NAALADL2: variants seen among roughly 807,000 people sequenced by gnomAD.
The protein encoded by NAALADL2 is inactive N-acetylated-alpha-linked acidic dipeptidase-like protein 2.
Under a neutral mutation model 87.2 loss-of-function variants are expected in NAALADL2, and 76 were observed. The ratio of observed to expected loss-of-function variants is 0.87; its 90% CI spans 0.72 to 1.05. The LOEUF (loss-of-function observed/expected upper bound fraction) is 1.05. Among genes scored for constraint, NAALADL2 ranks in the 50% least tolerant of loss-of-function variants. The pLI is 0.00. For missense variants in NAALADL2, 1,089 were observed against 945.8 expected (o/e 1.15, Z -1.99); for synonymous variants, 354 against 331.0 (o/e 1.07, Z -0.75).
At chr3:175,681,531 T>A (rs1735590868) in intron 11 of NAALADL2, among the ~76,000 whole-genome samples, 1 of 152,234 alleles carries the variant, frequency 6.6e-6, no homozygotes, top group African/African-American at 2.4e-5. Flanking sequence ...ATTTTTACTA[T>A]AAAGCCTTAA....
intron 1 of NAALADL2, among the ~76,000 whole-genome samples, chr3:174,461,576 T>C (rs1716217757): frequency 6.6e-6 from 1 of 152,122 alleles, no homozygotes; most frequent in Non-Finnish European, 1.5e-5. Context: ...ATTACATGTG[T>C]TTCTTTTGAA....
intron 5 of NAALADL2, among the ~76,000 whole-genome samples, chr3:175,422,451 C>G (rs997037953): frequency 1.3e-5 from 2 of 152,024 alleles, no homozygotes; most frequent in African/African-American, 4.8e-5. Flanking sequence ...TACAATATTC[C>G]TGTCCTTTAG....
At chr3:175,613,504 C>T (rs1724939844) in intron 10 of NAALADL2, among the ~76,000 whole-genome samples, 1 of 152,132 alleles carries the variant, frequency 6.6e-6, no homozygotes, top group Non-Finnish European at 1.5e-5. Flanking sequence ...TATTTTTTCT[C>T]ACCTGAGATG....
chr3:174,606,819 A>T (rs961929210), intron 2 of NAALADL2, among the ~76,000 whole-genome samples: 2 of 152,154 alleles, frequency 1.3e-5, no homozygotes, highest in African/African-American at 4.8e-5. Flanking sequence ...AATACAGAGA[A>T]CACCACAAAG....
chr3:174,590,628 C>A (rs1258966668), intron 2 of NAALADL2, among the ~76,000 whole-genome samples: 2 of 152,074 alleles, frequency 1.3e-5, no homozygotes, highest in Non-Finnish European at 2.9e-5. Context: ...ATAGTCCTTT[C>A]AGTAGTAAAA....
At chr3:175,711,286 T>A (rs992516409) in intron 11 of NAALADL2, among the ~76,000 whole-genome samples, 1 of 151,902 alleles carries the variant, frequency 6.6e-6, no homozygotes, top group Non-Finnish European at 1.5e-5. Context: ...CAATCTCTTT[T>A]ACAGGTTCAA....
intron 9 of NAALADL2, among the ~76,000 whole-genome samples, chr3:175,574,723 C>G (rs981265504): frequency 6.6e-6 from 1 of 152,056 alleles, no homozygotes; most frequent in Non-Finnish European, 1.5e-5. Context: ...ATCTACCTCC[C>G]CTGTAAAGCT....
intron 2 of NAALADL2, among the ~76,000 whole-genome samples, chr3:174,635,794 C>T (rs1044540421): frequency 2.6e-5 from 4 of 152,074 alleles, no homozygotes; most frequent in Non-Finnish European, 5.9e-5. Context: ...TGAGCCACCA[C>T]GTCTGGACGA....
intron 1 of NAALADL2, among the ~76,000 whole-genome samples, chr3:175,037,001 G>A (rs577150890): frequency 1.3e-4 from 20 of 151,960 alleles, no homozygotes; most frequent in African/African-American, 3.1e-4. Context: ...CAGGTTGGTC[G>A]TTTCTTCTGA....
At chr3:175,675,211 T>G (rs1734599311) in intron 11 of NAALADL2, 1 of 152,216 alleles carries the variant, frequency 6.6e-6, no homozygotes, top group Non-Finnish European at 1.5e-5. Context: ...AATGTTATCA[T>G]TACCATTCCG....
chr3:175,324,050 GAAAAA>G (rs1404165703), intron 4 of NAALADL2, 120 bp from the exon 5 acceptor site: 1 of 577,392 alleles, frequency 1.7e-6, no homozygotes, highest in African/African-American at 2.5e-5. Context: ...AAAAGAAAAA[GAAAAA>G]GAAAAAGAAA....
At chr3:175,307,268 G>T (rs1161663056) in intron 4 of NAALADL2, among the ~76,000 whole-genome samples, 1 of 151,794 alleles carries the variant, frequency 6.6e-6, no homozygotes. Context: ...CAAGGACTTT[G>T]GAATAAAAAA....
chr3:175,138,563 T>G (rs1729486268), intron 2 of NAALADL2, among the ~76,000 whole-genome samples: 1 of 151,618 alleles, frequency 6.6e-6, no homozygotes, highest in Admixed American at 6.6e-5. Flanking sequence ...CCAAATGAGT[T>G]TACTGCAAAC....
chr3:174,538,473 T>C (rs888745261), intron 1 of NAALADL2, among the ~76,000 whole-genome samples: 4 of 152,084 alleles, frequency 2.6e-5, no homozygotes, highest in Admixed American at 6.5e-5. Context: ...CTAAAAGAAA[T>C]TGAAGTATTT....
chr3:175,365,437 T>G lies in NAALADL2; in HGVS notation c.1090+41112T>G, dbSNP rs1765446255. On this transcript the variant is annotated intron_variant, in intron 5 of 13. Transcript: ENST00000454872. Reference sequence around the variant, plus strand: ...CCGAATTCACAGACTATTAGTAAATTTTCTTAAACTGCACTACTAGTAAAT... The same window carrying G: ...CCGAATTCACAGACTATTAGTAAATGTTCTTAAACTGCACTACTAGTAAAT... Among the ~76,000 whole-genome samples the G allele has an allele frequency of 1.4e-5, 2 of 147,728 alleles. 1 individual carries two copies.
intron 2 of NAALADL2, among the ~76,000 whole-genome samples, chr3:175,153,963 T>A (rs957469847): frequency 3.9e-5 from 6 of 152,176 alleles, no homozygotes; most frequent in Admixed American, 1.3e-4. Context: ...TGTAAAGCAA[T>A]TAGACTTTTT....
chr3:175,004,177 C>T (rs1009951481), intron 1 of NAALADL2, among the ~76,000 whole-genome samples: 29 of 151,992 alleles, frequency 1.9e-4, no homozygotes, highest in Admixed American at 9.2e-4. Context: ...TGTTTGAGAA[C>T]ATCCTGGGAA....
chr3:175,473,690 T>G (rs1169563247), intron 9 of NAALADL2, among the ~76,000 whole-genome samples: 2 of 151,950 alleles, frequency 1.3e-5, no homozygotes, highest in Non-Finnish European at 2.9e-5. Flanking sequence ...TGTTAAGAGA[T>G]ACGAAGAAAA....
intron 5 of NAALADL2, among the ~76,000 whole-genome samples, chr3:175,325,842 TG>T (rs1159730126): frequency 6.6e-6 from 1 of 152,230 alleles, no homozygotes; most frequent in Non-Finnish European, 1.5e-5. Context: ...ATCTCTGAAA[TG>T]GCTTTATTCT....
Sources: gnomAD v4.1 joint callset for allele counts (sites outside exome capture counted in the v4.1 genomes callset) on GRCh38, gnomAD v4.1.1 for gene constraint, MANE v1.5 for transcripts, NCBI Gene and HGNC (gene_info 2026-07-23, HGNC 2026-07-21) for gene names.